SLIT3: variants seen among roughly 807,000 people sequenced by gnomAD.
SLIT3 encodes slit guidance ligand 3.
Under a neutral mutation model 184.0 loss-of-function variants are expected in SLIT3, and 68 were observed. The ratio of observed to expected loss-of-function variants is 0.37; its 90% CI spans 0.30 to 0.45. The LOEUF (loss-of-function observed/expected upper bound fraction) is 0.45. SLIT3 is among the 20% of genes least tolerant of loss of function. SLIT3 has a pLI of 1.00. For missense variants in SLIT3, 1,707 were observed against 2,026.0 expected (o/e 0.84, Z 3.02); for synonymous variants, 831 against 828.6 (o/e 1.00, Z -0.05).
chr5:169,035,107 C>T lies in SLIT3; in HGVS notation c.414-151771G>A, dbSNP rs570160046. Among the ~76,000 whole-genome samples, 3 of 152,044 alleles carry T rather than the reference C, an allele frequency of 2.0e-5. No homozygotes were observed. In the South Asian group the frequency reaches 6.2e-4, roughly 32 times the overall value. The stretch of plus-strand genomic sequence containing the variant: ...ATCCTTAAGATAATTTTTATGTGAA[C>T]TGAGACTTAGAACCACTAACTTAGA... On this transcript the variant is annotated intron_variant, in intron 4 of 35. Coordinates refer to ENST00000519560, the MANE Select transcript of SLIT3 (RefSeq NM_003062.4).
intron 3 of SLIT3, among the ~76,000 whole-genome samples, chr5:169,230,727 G>A (rs1412679474): frequency 3.9e-5 from 6 of 152,128 alleles, no homozygotes; most frequent in Non-Finnish European, 8.8e-5. Flanking sequence ...GACTCCTGAA[G>A]GTTGTTTTCT....
intron 4 of SLIT3, among the ~76,000 whole-genome samples, chr5:169,072,605 C>T (rs1046800719): frequency 6.6e-6 from 1 of 152,214 alleles, no homozygotes; most frequent in Non-Finnish European, 1.5e-5. Flanking sequence ...CCTGCCTGAA[C>T]ACATTTTATC....
chr5:168,887,185 A>C (rs1760252864), intron 4 of SLIT3, among the ~76,000 whole-genome samples: 1 of 151,584 alleles, frequency 6.6e-6, no homozygotes, highest in Non-Finnish European at 1.5e-5. Flanking sequence ...GACAGTTCCC[A>C]CCTTCACCCC....
chr5:168,710,809 G>A, intron 25 of SLIT3, 86 bp downstream of exon 25: 4 of 1,219,726 alleles, frequency 3.3e-6, no homozygotes, highest in Non-Finnish European at 4.3e-6. Context: ...AGCCACATCT[G>A]TTGAGATACC....
chr5:169,158,899 C>T (rs1390818579), intron 4 of SLIT3, among the ~76,000 whole-genome samples: 1 of 152,120 alleles, frequency 6.6e-6, no homozygotes, highest in Non-Finnish European at 1.5e-5. Flanking sequence ...AAACTAAAAA[C>T]AGAACAAACA....
intron 4 of SLIT3, among the ~76,000 whole-genome samples, chr5:169,103,799 A>G (rs1046502802): frequency 8.2e-5 from 12 of 146,856 alleles, no homozygotes; most frequent in Non-Finnish European, 1.8e-4. Flanking sequence ...GGGGCTCGCC[A>G]CCCTGCTCAG....
chr5:169,131,709 T>C (rs763814258), intron 4 of SLIT3, among the ~76,000 whole-genome samples: 25 of 152,348 alleles, frequency 1.6e-4, no homozygotes, highest in Middle Eastern at 3.4e-3. Flanking sequence ...ATCCTCCTCC[T>C]TGGCTGACTC....
chr5:169,080,731 C>CT (rs1168145029), intron 4 of SLIT3, among the ~76,000 whole-genome samples: 1 of 152,188 alleles, frequency 6.6e-6, no homozygotes, highest in Non-Finnish European at 1.5e-5. Flanking sequence ...GACTGTTTAA[C>CT]TTCTATCCTG....
chr5:168,712,114 CTGAGG>C (rs1056186906), intron 24 of SLIT3, among the ~76,000 whole-genome samples, 164 bp downstream of exon 24: 2 of 152,124 alleles, frequency 1.3e-5, no homozygotes, highest in Non-Finnish European at 2.9e-5. Flanking sequence ...TTGAAGGCTT[CTGAGG>C]TGGGAAACAA....
At chr5:168,880,148 G>A (rs963660277) in intron 5 of SLIT3, among the ~76,000 whole-genome samples, 1 of 152,186 alleles carries the variant, frequency 6.6e-6, no homozygotes, top group African/African-American at 2.4e-5. Flanking sequence ...GCGTGAGAGA[G>A]AGATACGAGC....
intron 4 of SLIT3, among the ~76,000 whole-genome samples, chr5:169,184,409 T>C (rs1047144802): frequency 2.0e-5 from 3 of 152,218 alleles, no homozygotes; most frequent in Non-Finnish European, 4.4e-5. Flanking sequence ...GTAGCAAGCA[T>C]AAAAACACCT....
chr5:169,060,427 A>C lies in SLIT3; in HGVS notation c.413+133052T>G, dbSNP rs568515243. 7.3e-4 allele frequency among the ~76,000 whole-genome samples: 111 copies of C among 152,304 alleles called. 1 individual carries two copies. The highest frequency in any genetic ancestry group is 3.1e-3 in the South Asian group (15 of 4,826). ...ACAAACAAACAAACAAAAAACACTG[A>C]GAAATAAATTTTGTTGCTTATGAAC... On this transcript the variant is annotated intron_variant, in intron 4 of 35. Coordinates refer to ENST00000519560, the MANE Select transcript of SLIT3 (RefSeq NM_003062.4).
chr5:168,685,822 C>T lies in SLIT3; in HGVS notation c.3420G>A (p.Glu1140=), dbSNP rs756534640. ...AGCCTGGTGGGCAGCGGCAGGTGGG[C>T]TCCTGCTGCACCACGATGCACTGGG... ...NGAQCIVVQQ[E]PTCRCPPGFA... is the part of the protein sequence containing the mutation. Residue 1140 remains glutamate, a synonymous_variant, in exon 31 of 36, where the codon GAG becomes GAA. Transcript: ENST00000519560. 6.2e-7 allele frequency: 1 copy of T among 1,613,468 alleles called. No homozygotes were observed. Among genetic ancestry groups the T allele is most frequent in the Admixed American group, 1.7e-5 (1 of 59,982 alleles).
intron 5 of SLIT3, among the ~76,000 whole-genome samples, chr5:168,851,165 T>C (rs1051990847): frequency 2.3e-4 from 34 of 151,022 alleles, no homozygotes; most frequent in African/African-American, 8.3e-4. Context: ...CTACTGAAAA[T>C]ACAAAAAATT....
chr5:168,910,059 A>G (rs570529734), intron 4 of SLIT3, among the ~76,000 whole-genome samples: 1 of 152,392 alleles, frequency 6.6e-6, no homozygotes, highest in African/African-American at 2.4e-5. Context: ...GCAGCACATC[A>G]TCAAATGATT....
chr5:168,859,333 G>A (rs981637653), intron 5 of SLIT3, among the ~76,000 whole-genome samples: 6 of 152,146 alleles, frequency 3.9e-5, no homozygotes, highest in East Asian at 1.9e-4. Flanking sequence ...TAAAGATGAT[G>A]TAAATCCAGG....
At position 168,663,660 on chromosome 5, in the gene SLIT3, C is replaced by T. The variant is rs1044923744; in HGVS notation, c.*2794G>A. 6.6e-6 allele frequency: 1 copy of T among 152,410 alleles called. No individual in the cohort carries two copies. Among genetic ancestry groups the T allele is most frequent in the Non-Finnish European group, 1.5e-5 (1 of 68,252 alleles). 9.4% of individuals were successfully genotyped at this position (152,410 alleles called of 1,614,324 possible). A position where few individuals can be genotyped will look rare whatever the true frequency, so the allele number is the denominator to read the frequency against. On this transcript the variant is annotated 3_prime_UTR_variant, in exon 36 of 36. Transcript: ENST00000519560. ...TTCTCTCTGCTCCTCAGTGTGCTTC[C>T]CATACTCTTGCCACCCTAGATTTTG...
chr5:169,212,470 GT>G (rs201569179), intron 3 of SLIT3, among the ~76,000 whole-genome samples: 6,707 of 78,660 alleles, frequency 0.085, 195 homozygotes, highest in East Asian at 0.43. Context: ...GGGGTTGTAT[GT>G]TTTTTTTTCT....
intron 4 of SLIT3, among the ~76,000 whole-genome samples, chr5:169,034,351 C>T (rs1003253833): frequency 1.1e-4 from 17 of 152,116 alleles, no homozygotes; most frequent in Admixed American, 9.8e-4. Context: ...GCTTTTTCCC[C>T]GTGTTCTCTT....
Sources: gnomAD v4.1 joint callset for allele counts (sites outside exome capture counted in the v4.1 genomes callset) on GRCh38, gnomAD v4.1.1 for gene constraint, MANE v1.5 for transcripts, NCBI Gene and HGNC (gene_info 2026-07-23, HGNC 2026-07-21) for gene names.